Variants in NTRK2 observed in about 807,000 individuals in gnomAD.
NTRK2 encodes the protein neurotrophic receptor tyrosine kinase 2.
In NTRK2, 13 loss-of-function variants were observed where a neutral mutation model predicts 94.5. The observed-to-expected ratio is 0.14, with a 90% CI of 0.09 to 0.22. NTRK2 has a LOEUF of 0.22. Among genes scored for constraint, NTRK2 ranks in the 10% least tolerant of loss-of-function variants. The pLI is 1.00. For missense variants in NTRK2, 639 were observed against 1,071.2 expected (o/e 0.60, Z 5.63); for synonymous variants, 372 against 407.4 (o/e 0.91, Z 1.05).
At chr9:84,691,038 A>C (rs2060020904) in intron 2 of NTRK2, among the ~76,000 whole-genome samples, 1 of 152,200 alleles carries the variant, frequency 6.6e-6, no homozygotes, top group Non-Finnish European at 1.5e-5. Context: ...AATTAAAGAC[A>C]AGAACTCCAA....
intron 14 of NTRK2, chr9:84,871,805 CA>C: frequency 6.2e-7 from 1 of 1,613,730 alleles, no homozygotes; most frequent in Non-Finnish European, 8.5e-7. Context: ...GAGGTTCCCC[CA>C]AGACCGCCTG....
intron 12 of NTRK2, among the ~76,000 whole-genome samples, chr9:84,839,083 A>C (rs2131756021): frequency 6.6e-6 from 1 of 152,324 alleles, no homozygotes; most frequent in East Asian, 1.9e-4. Context: ...GCACTGATTC[A>C]GAACGATGCT....
intron 11 of NTRK2, among the ~76,000 whole-genome samples, chr9:84,750,214 C>T (rs1270021316): frequency 6.6e-6 from 1 of 152,100 alleles, no homozygotes; most frequent in African/African-American, 2.4e-5. Flanking sequence ...TACTTTCCCC[C>T]TCGTTGTGAC....
chr9:84,841,019 G>A (rs1564375272), intron 12 of NTRK2, among the ~76,000 whole-genome samples: 3 of 152,266 alleles, frequency 2.0e-5, no homozygotes, highest in African/African-American at 7.2e-5. Context: ...ACTACCAAGT[G>A]GGACTGTTGC....
intron 17 of NTRK2, 40 bp from the exon 18 acceptor site, chr9:85,020,165 CG>C: frequency 6.2e-7 from 1 of 1,612,106 alleles, no homozygotes; most frequent in Non-Finnish European, 8.5e-7. Flanking sequence ...CACCTGGTTT[CG>C]GGGTGACTGA....
intron 12 of NTRK2, among the ~76,000 whole-genome samples, chr9:84,851,201 G>A (rs551219834): frequency 1.3e-5 from 2 of 152,156 alleles, no homozygotes; most frequent in South Asian, 2.1e-4. Context: ...AATCGCCCCC[G>A]TTTGAGAACC....
intron 14 of NTRK2, chr9:84,875,446 G>A (rs199725380): frequency 1.9e-6 from 2 of 1,062,508 alleles, no homozygotes; most frequent in Non-Finnish European, 2.3e-6. Context: ...GGCAGGCTGA[G>A]AGCTCTCATT....
chr9:84,730,089 T>TAA (rs879307955), intron 9 of NTRK2, among the ~76,000 whole-genome samples: 6 of 152,252 alleles, frequency 3.9e-5, no homozygotes, highest in Non-Finnish European at 7.3e-5. Flanking sequence ...CTAAATTTTA[T>TAA]AAATATGTTT....
Position 84,903,714 on chromosome 9 carries a change from CTTCT to C in NTRK2, c.1634-30444_1634-30441del, listed in dbSNP as rs1328363157. Among the ~76,000 whole-genome samples the C allele has an allele frequency of 1.5e-4, 22 of 151,034 alleles. 2 individuals are homozygous for C. The highest frequency in any genetic ancestry group is 4.2e-4 in the South Asian group (2 of 4,764). ...TCTTTTTTCCTTCCTTCCTTCCTTC[CTTCT>C]TTCCTTCCTTGCCTCCCTCCCTCCC... is the stretch of plus-strand genomic sequence containing the variant. On this transcript the variant is annotated intron_variant, in intron 14 of 18. Coordinates refer to ENST00000277120, the MANE Select transcript of NTRK2 (RefSeq NM_006180.6).
At chr9:84,845,599 T>C (rs1418855771) in intron 12 of NTRK2, among the ~76,000 whole-genome samples, 1 of 152,134 alleles carries the variant, frequency 6.6e-6, no homozygotes, top group East Asian at 1.9e-4. Context: ...TAAAAACGAA[T>C]GAAATGATGT....
intron 2 of NTRK2, among the ~76,000 whole-genome samples, chr9:84,679,490 C>T (rs911271890): frequency 3.3e-5 from 5 of 152,114 alleles, no homozygotes; most frequent in East Asian, 3.9e-4. Flanking sequence ...AGTATAGGAA[C>T]GTGGTATAAC....
chr9:85,020,028 C>G (rs1832645155), intron 17 of NTRK2, among the ~76,000 whole-genome samples, 178 bp from the exon 18 acceptor site: 1 of 152,192 alleles, frequency 6.6e-6, no homozygotes, highest in South Asian at 2.1e-4. Flanking sequence ...TTTGATCACT[C>G]TTTGCCTTCT....
intron 17 of NTRK2, among the ~76,000 whole-genome samples, chr9:85,000,743 G>T (rs745333037): frequency 1.3e-5 from 2 of 152,164 alleles, no homozygotes; most frequent in Non-Finnish European, 2.9e-5. Context: ...GGTTTCTGTG[G>T]ACATAAGTTT....
chr9:84,992,915 T>A (rs954500216), intron 17 of NTRK2, among the ~76,000 whole-genome samples: 5 of 146,042 alleles, frequency 3.4e-5, no homozygotes, highest in African/African-American at 5.1e-5. Flanking sequence ...AAAAAAAAAA[T>A]ATATAAATAT....
At chr9:84,855,964 C>T (rs1587695298) in intron 12 of NTRK2, among the ~76,000 whole-genome samples, 1 of 152,270 alleles carries the variant, frequency 6.6e-6, no homozygotes, top group East Asian at 1.9e-4. Flanking sequence ...TAGAATTTAG[C>T]CATCTGGCCA....
chr9:84,702,089 G>C, intron 2 of NTRK2, 70 bp from the exon 3 acceptor site: 1 of 1,399,460 alleles, frequency 7.1e-7, no homozygotes, highest in Non-Finnish European at 1.0e-6. Flanking sequence ...GGGTGAGGTG[G>C]ATGGGAGTTC....
intron 13 of NTRK2, among the ~76,000 whole-genome samples, chr9:84,864,859 GC>G (rs1255798942): frequency 6.9e-6 from 1 of 144,230 alleles, no homozygotes; most frequent in Non-Finnish European, 1.5e-5. Context: ...TCCTGTTTCA[GC>G]CCCCCGAGTA....
intron 12 of NTRK2, among the ~76,000 whole-genome samples, chr9:84,852,545 A>G (rs2074829904): frequency 1.3e-5 from 2 of 152,200 alleles, no homozygotes; most frequent in Admixed American, 1.3e-4. Context: ...AGTTCCAATC[A>G]TGGAAACTAA....
Position 85,026,695 on chromosome 9 carries a change from A to AT in NTRK2, c.*5259dup, listed in dbSNP as rs1311839745. ...CTTCTGTATCTGGAGAGATGTTTGT[A>AT]TATATCCAGGCCGTATACACACACA... On this transcript the variant is annotated 3_prime_UTR_variant, in exon 19 of 19. Coordinates refer to ENST00000277120, the MANE Select transcript of NTRK2 (RefSeq NM_006180.6). 4.3e-6 allele frequency: 1 copy of AT among 232,912 alleles called. No homozygotes were observed. The highest frequency in any genetic ancestry group is 2.2e-5 in the African/African-American group (1 of 45,332). 14.4% of individuals were successfully genotyped at this position (232,912 alleles called of 1,614,324 possible). A position where few individuals can be genotyped will look rare whatever the true frequency, so the allele number is the denominator to read the frequency against.
Sources: allele counts gnomAD v4.1 joint callset (sites outside exome capture counted in the v4.1 genomes callset), GRCh38; gene constraint gnomAD v4.1.1; transcripts MANE v1.5; gene names NCBI Gene and HGNC (gene_info 2026-07-23, HGNC 2026-07-21).